Variants in ASAP1 observed in about 807,000 individuals in gnomAD.
The protein encoded by ASAP1 is arf-GAP with SH3 domain, ANK repeat and PH domain-containing protein 1.
Under a neutral mutation model 145.2 loss-of-function variants are expected in ASAP1, and 43 were observed. The ratio of observed to expected loss-of-function variants is 0.30; its 90% confidence interval spans 0.23 to 0.38. The LOEUF is 0.38. Ranked by LOEUF, ASAP1 falls within the 10% of genes least tolerant of loss-of-function variation. The pLI is 1.00. For synonymous variants in ASAP1, 546 were observed against 515.5 expected (o/e 1.06, Z -0.80); for missense variants, 1,018 against 1,355.3 (o/e 0.75, Z 3.91).
At chr8:130,304,039 T>C (rs1822839594) in intron 3 of ASAP1, among the ~76,000 whole-genome samples, 1 of 152,066 alleles carries the variant, frequency 6.6e-6, no homozygotes, top group Non-Finnish European at 1.5e-5. Context: ...AAAACCACAG[T>C]GGCAATGGTA....
At chr8:130,153,384 T>TATATA (rs1452655027) in intron 12 of ASAP1, among the ~76,000 whole-genome samples, 2 of 135,856 alleles carry the variant, frequency 1.5e-5, no homozygotes, top group African/African-American at 2.8e-5. Context: ...TATATATATA[T>TATATA]TTTGAGACAG....
At chr8:130,388,458 G>A (rs923348532) in intron 2 of ASAP1, among the ~76,000 whole-genome samples, 1 of 152,136 alleles carries the variant, frequency 6.6e-6, no homozygotes, top group East Asian at 1.9e-4. Flanking sequence ...TTCCAAATGG[G>A]GATATTAATT....
intron 24 of ASAP1, among the ~76,000 whole-genome samples, chr8:130,092,559 C>T (rs147935110): frequency 1.8e-4 from 28 of 152,106 alleles, no homozygotes; most frequent in Non-Finnish European, 3.4e-4. Context: ...GTCAGGAGTT[C>T]GAGGATACAC....
At chr8:130,244,614 G>T (rs1261035099) in intron 3 of ASAP1, among the ~76,000 whole-genome samples, 1 of 152,150 alleles carries the variant, frequency 6.6e-6, no homozygotes, top group Non-Finnish European at 1.5e-5. Flanking sequence ...ATGGCTAGGG[G>T]TTAGGCTATA....
At chr8:130,072,831 G>GTGTGCGTGCGCGCGCGCGCGC (rs58907739) in intron 27 of ASAP1, among the ~76,000 whole-genome samples, 8 of 110,702 alleles carry the variant, frequency 7.2e-5, no homozygotes, top group Admixed American at 8.7e-5. Context: ...GTGTGCGCGC[G>GTGTGCGTGCGCGCGCGCGCGC]GGGGGGGGCA....
intron 26 of ASAP1, among the ~76,000 whole-genome samples, chr8:130,079,146 G>C (rs1564934627): frequency 2.0e-5 from 3 of 152,306 alleles, no homozygotes; most frequent in Non-Finnish European, 4.4e-5. Flanking sequence ...AGTGAGCTGT[G>C]CTCATACCAC....
chr8:130,188,045 G>A (rs578104934), intron 6 of ASAP1, 64 bp downstream of exon 6: 367 of 1,228,636 alleles, frequency 3.0e-4, no homozygotes, highest in Non-Finnish European at 4.1e-4. Flanking sequence ...CTATGATCTT[G>A]AAAGAGGAAA....
chr8:130,336,089 A>C (rs554518065), intron 3 of ASAP1, among the ~76,000 whole-genome samples: 196 of 152,308 alleles, frequency 1.3e-3, no homozygotes, highest in African/African-American at 4.5e-3. Flanking sequence ...AGAGATAGAC[A>C]CCTGGGATTA....
chr8:130,117,316 A>C (rs1480822774), intron 20 of ASAP1, among the ~76,000 whole-genome samples: 1 of 152,214 alleles, frequency 6.6e-6, no homozygotes, highest in African/African-American at 2.4e-5. Flanking sequence ...AAGCGCAGAG[A>C]GGCTGAAGTG....
chr8:130,092,930 G>A (rs1244833416), intron 24 of ASAP1, among the ~76,000 whole-genome samples: 1 of 119,610 alleles, frequency 8.4e-6, no homozygotes, highest in African/African-American at 3.1e-5. Flanking sequence ...ACTGCCTGAC[G>A]CTTTTCTTAA....
intron 13 of ASAP1, among the ~76,000 whole-genome samples, chr8:130,148,683 T>C (rs923782362): frequency 2.6e-5 from 4 of 152,344 alleles, no homozygotes; most frequent in African/African-American, 7.2e-5. Context: ...AATAAATATG[T>C]CAACTATAAT....
intron 15 of ASAP1, among the ~76,000 whole-genome samples, chr8:130,130,041 C>T (rs1264132523): frequency 2.0e-5 from 3 of 152,184 alleles, no homozygotes; most frequent in Admixed American, 1.3e-4. Context: ...GACTGCAAAG[C>T]CTCTATTTCG....
intron 27 of ASAP1, among the ~76,000 whole-genome samples, chr8:130,070,558 G>A (rs920113846): frequency 2.6e-5 from 4 of 151,882 alleles, no homozygotes; most frequent in Non-Finnish European, 5.9e-5. Context: ...TGGGGCTTAT[G>A]GCAAAAGTGT....
intron 3 of ASAP1, among the ~76,000 whole-genome samples, chr8:130,336,608 G>A (rs1223045068): frequency 6.6e-6 from 1 of 152,206 alleles, no homozygotes; most frequent in Non-Finnish European, 1.5e-5. Context: ...GATGAATGGT[G>A]TCGGCATCTA....
chr8:130,303,836 A>T (rs1485157299), intron 3 of ASAP1, among the ~76,000 whole-genome samples: 2 of 152,222 alleles, frequency 1.3e-5, no homozygotes, highest in Non-Finnish European at 2.9e-5. Context: ...ACTCTGATAC[A>T]GTAACAGAGG....
chr8:130,136,277 A>T (rs1042591821), intron 14 of ASAP1, among the ~76,000 whole-genome samples: 2 of 152,204 alleles, frequency 1.3e-5, no homozygotes, highest in Admixed American at 6.5e-5. Flanking sequence ...GGCACAGGCT[A>T]TAACAGGCTG....
chr8:130,120,517 G>A (rs1247135082), intron 18 of ASAP1, among the ~76,000 whole-genome samples: 1 of 152,222 alleles, frequency 6.6e-6, no homozygotes, highest in Non-Finnish European at 1.5e-5. Context: ...TCATTTGAAA[G>A]CTTCCTTCCC....
intron 1 of ASAP1, among the ~76,000 whole-genome samples, chr8:130,424,401 G>C (rs1829834478): frequency 6.6e-6 from 1 of 152,196 alleles, no homozygotes. Context: ...AAGCCTCGGA[G>C]AGCACTCCAC....
chr8:130,273,588 T>C (rs956075799), intron 3 of ASAP1, among the ~76,000 whole-genome samples: 1 of 152,150 alleles, frequency 6.6e-6, no homozygotes, highest in Admixed American at 6.5e-5. Flanking sequence ...GCTCACAGGA[T>C]CTTGGTATCT....
Sources: gnomAD v4.1 joint callset for allele counts (sites outside exome capture counted in the v4.1 genomes callset) on GRCh38, gnomAD v4.1.1 for gene constraint, MANE v1.5 for transcripts, NCBI Gene and HGNC (gene_info 2026-07-23, HGNC 2026-07-21) for gene names.